The following HDAC9 variants were observed in gnomAD, a reference collection of about 807,000 sequenced individuals.
The protein encoded by HDAC9 is histone deacetylase 9, also known as MEF-2 interacting transcription repressor (MITR) protein.
A neutral mutation model predicts 139.4 loss-of-function variants in HDAC9; 41 were observed. That is an observed-to-expected ratio of 0.29 (90% CI 0.23 to 0.38). HDAC9 has a LOEUF of 0.38. Among genes scored for constraint, HDAC9 ranks in the 10% least tolerant of loss-of-function variants. The pLI is 1.00. For synonymous variants in HDAC9, 517 were observed against 476.2 expected, an observed-to-expected ratio of 1.09 and a Z score of -1.12; for missense variants, 1,147 against 1,297.0, an observed-to-expected ratio of 0.88 and a Z score of 1.78.
intron 2 of HDAC9, among the ~76,000 whole-genome samples, chr7:18,554,476 C>T (rs1382105370): frequency 6.6e-6 from 1 of 151,936 alleles, no homozygotes; most frequent in Non-Finnish European, 1.5e-5. Context: ...GCTGGGACTA[C>T]AGGCGCCCGC....
rs944869679 is a variant in HDAC9, at chr7:19,002,195, C to G, written c.*6133C>G. On this transcript the variant is annotated 3_prime_UTR_variant, in exon 26 of 26. Transcript: ENST00000686413. ...TAATAATCTAATAAAGGATTAATAT[C>G]TAATAACAATACCATTGTTGAACAT... is the stretch of plus-strand genomic sequence containing the variant. The G allele has an allele frequency of 1.4e-4, 21 of 152,192 alleles. No homozygotes were observed. The highest frequency in any genetic ancestry group is 5.1e-4 in the African/African-American group (21 of 41,548). 9.4% of individuals were successfully genotyped at this position (152,192 alleles called of 1,614,324 possible).
At chr7:18,388,544 T>C (rs1243864140) in intron 1 of HDAC9, among the ~76,000 whole-genome samples, 1 of 152,214 alleles carries the variant, frequency 6.6e-6, no homozygotes, top group Non-Finnish European at 1.5e-5. Context: ...GTACTTTAGT[T>C]CCCTCAGAAA....
chr7:18,266,688 A>G lies in HDAC9; in HGVS notation c.25+104339A>G, dbSNP rs143915574. Among the ~76,000 whole-genome samples the G allele has an allele frequency of 7.2e-3, 1,099 of 152,302 alleles. 8 individuals are homozygous for G. The highest frequency in any genetic ancestry group is 0.011 in the Non-Finnish European group (759 of 68,000). On this transcript the variant is annotated intron_variant, in intron 2 of 12. Coordinates refer to the HDAC9 transcript ENST00000417496. Reference sequence around the variant, plus strand: ...TGGGGGTACAGTTTTAAGGGATACAATGACTGTAAATACACTGTGATACCA... The same window carrying G: ...TGGGGGTACAGTTTTAAGGGATACAGTGACTGTAAATACACTGTGATACCA...
intron 1 of HDAC9, among the ~76,000 whole-genome samples, chr7:18,352,487 T>C (rs1250350638): frequency 6.6e-6 from 1 of 152,064 alleles, no homozygotes; most frequent in African/African-American, 2.4e-5. Flanking sequence ...TAAAGGTAAT[T>C]GCCAGGGAGT....
At chr7:18,938,150 T>A (rs2717357) in intron 23 of HDAC9, among the ~76,000 whole-genome samples, 4,292 of 149,474 alleles carry the variant, frequency 0.029, 210 homozygotes, top group African/African-American at 0.098. Context: ...TGTAGAGCAA[T>A]TAGTGACTTT....
At chr7:18,603,454 C>G (rs1043436808) in intron 6 of HDAC9, among the ~76,000 whole-genome samples, 2 of 151,878 alleles carry the variant, frequency 1.3e-5, no homozygotes, top group Non-Finnish European at 2.9e-5. Context: ...TCAATTTTAC[C>G]TCTTTTAAAA....
At chr7:18,369,705 A>C (rs1208922531) in intron 1 of HDAC9, among the ~76,000 whole-genome samples, 2 of 152,130 alleles carry the variant, frequency 1.3e-5, no homozygotes, top group African/African-American at 4.8e-5. Flanking sequence ...TCTATATGTC[A>C]GAAACAGTGT....
intron 25 of HDAC9, among the ~76,000 whole-genome samples, chr7:18,977,976 A>T (rs2129339252): frequency 6.6e-6 from 1 of 151,490 alleles, no homozygotes; most frequent in South Asian, 2.1e-4. Flanking sequence ...AGAGAGAGAG[A>T]ATGCTCTGAA....
Position 18,666,453 on chromosome 7 carries a change from G to A in HDAC9, c.1708G>A (p.Glu570Lys). The A allele has an allele frequency of 6.2e-7, 1 of 1,610,772 alleles. No homozygotes were observed. The change falls in exon 12 of 26, where the codon GAG (glutamate) becomes AAG (lysine). Residue 570 changes from glutamate (E) to lysine (K), a missense_variant. Physicochemically the swap from Glu to Lys is moderately conservative, Grantham distance 56. Transcript: ENST00000686413. ...TCAGATCCAGGAAATGGAATCTGGG[G>A]AGCAGGCTGCTTTTATGCAACAGGT... ...DAQIQEMESG[E>K]QAAFMQQPFL... is the part of the protein sequence containing the mutation.
intron 25 of HDAC9, among the ~76,000 whole-genome samples, chr7:18,988,822 CTTCT>C (rs1160772297): frequency 6.6e-6 from 1 of 151,532 alleles, no homozygotes; most frequent in Non-Finnish European, 1.5e-5. Context: ...ATGTAATGGC[CTTCT>C]TTGTCTCTTT....
intron 8 of HDAC9, among the ~76,000 whole-genome samples, chr7:18,639,274 C>G (rs1355845299): frequency 6.6e-6 from 1 of 151,920 alleles, no homozygotes; most frequent in South Asian, 2.1e-4. Context: ...GGGTGTAGAG[C>G]TGTGGTTTTA....
At chr7:18,672,962 G>A (rs998108638) in intron 12 of HDAC9, among the ~76,000 whole-genome samples, 1 of 151,834 alleles carries the variant, frequency 6.6e-6, no homozygotes, top group African/African-American at 2.4e-5. Context: ...TTTTGATACT[G>A]TTACTTTTTT....
chr7:18,923,590 T>C (rs1317174126), intron 22 of HDAC9, among the ~76,000 whole-genome samples: 1 of 152,112 alleles, frequency 6.6e-6, no homozygotes, highest in African/African-American at 2.4e-5. Context: ...CTTGTCATCT[T>C]CTTTCAGATA....
At chr7:18,615,893 A>G (rs772459804) in intron 6 of HDAC9, among the ~76,000 whole-genome samples, 4 of 152,152 alleles carry the variant, frequency 2.6e-5, no homozygotes, top group Admixed American at 6.6e-5. Flanking sequence ...ATTACTTTAC[A>G]CTGCTGGAGG....
At chr7:18,257,418 C>A (rs916759207) in intron 2 of HDAC9, among the ~76,000 whole-genome samples, 1 of 150,714 alleles carries the variant, frequency 6.6e-6, no homozygotes, top group African/African-American at 2.4e-5. Context: ...CACACACACA[C>A]ACACACACAC....
intron 17 of HDAC9, among the ~76,000 whole-genome samples, chr7:18,809,706 T>G (rs959463396): frequency 2.6e-5 from 4 of 151,934 alleles, no homozygotes; most frequent in Non-Finnish European, 4.4e-5. Context: ...GGCTGTAATT[T>G]AAAACAAAAC....
In HDAC9 at chr7:18,571,998, A is replaced by G. The variant is rs557972182; in HGVS notation, c.23-13283A>G. On this transcript the variant is annotated intron_variant, in intron 2 of 25. Coordinates refer to ENST00000686413, the MANE Select transcript of HDAC9 (RefSeq NM_178425.4). The stretch of plus-strand genomic sequence containing the variant: ...TTTTTTTTTTCTGTCAAAATAGCAC[A>G]TAATGATGTACTTTTTGTAAGCAAG... Among the ~76,000 whole-genome samples the G allele has an allele frequency of 8.6e-5, 13 of 151,954 alleles. No homozygotes were observed. In the South Asian group the frequency reaches 2.7e-3, roughly 32 times the overall value.
intron 1 of HDAC9, among the ~76,000 whole-genome samples, chr7:18,349,568 T>A (rs1025313677): frequency 6.6e-6 from 1 of 152,086 alleles, no homozygotes; most frequent in African/African-American, 2.4e-5. Flanking sequence ...TCTCAAACAT[T>A]GAATTGGGGG....
intron 21 of HDAC9, among the ~76,000 whole-genome samples, chr7:18,841,798 C>T (rs1348381434): frequency 6.6e-6 from 1 of 152,078 alleles, no homozygotes; most frequent in African/African-American, 2.4e-5. Flanking sequence ...TATCTCCAAG[C>T]CACTTCTCCT....
Sources: allele counts gnomAD v4.1 joint callset (sites outside exome capture counted in the v4.1 genomes callset), GRCh38; gene constraint gnomAD v4.1.1; transcripts MANE v1.5; gene names NCBI Gene and HGNC (gene_info 2026-07-23, HGNC 2026-07-21).